Variants in APC observed in about 807,000 individuals in gnomAD.
APC encodes the protein APC regulator of Wnt signaling pathway.
In APC, 72 loss-of-function variants were observed where a neutral mutation model predicts 247.0. The observed-to-expected ratio is 0.29, with a 90% CI of 0.24 to 0.35. APC has a LOEUF of 0.35. Among genes scored for constraint, APC ranks in the 10% least tolerant of loss-of-function variants. The pLI is 1.00. For missense variants in APC, 3,400 were observed against 3,360.7 expected (o/e 1.01, Z -0.29); for synonymous variants, 1,254 against 1,162.5 (o/e 1.08, Z -1.60).
intron 1 of APC, among the ~76,000 whole-genome samples, chr5:112,718,751 T>C (rs1016614654): frequency 1.3e-5 from 2 of 152,252 alleles, no homozygotes; most frequent in African/African-American, 4.8e-5. Flanking sequence ...AAATTGTCTT[T>C]GTAAGGATAC....
At chr5:112,829,518 A>T (rs1467949419) in intron 14 of APC, 1 of 158,438 alleles carries the variant, frequency 6.3e-6, no homozygotes, top group Non-Finnish European at 1.4e-5. Flanking sequence ...TAAGGTAGAA[A>T]AGATTATATA....
Position 112,768,660 on chromosome 5 carries a change from CT to C in APC, c.422+1271del, listed in dbSNP as rs760463434. 1.4e-3 allele frequency among the ~76,000 whole-genome samples: 217 copies of C among 152,262 alleles called. 2 individuals are homozygous for C. The highest frequency in any genetic ancestry group is 2.2e-3 in the Non-Finnish European group (149 of 68,006). On this transcript the variant is annotated intron_variant, in intron 4 of 15. Coordinates refer to ENST00000257430, the MANE Select transcript of APC (RefSeq NM_000038.6). ...TATTTCTTCGTGTTAGGAACATTCA[CT>C]GTCTACCATCTAGCTATTTGAAACT...
chr5:112,797,065 TTG>T (rs1760287299), intron 7 of APC, among the ~76,000 whole-genome samples: 1 of 152,094 alleles, frequency 6.6e-6, no homozygotes, highest in African/African-American at 2.4e-5. Context: ...GGAAACTTGT[TTG>T]TGTTTCTTGT....
At chr5:112,749,649 G>C (rs903589113) in intron 1 of APC, among the ~76,000 whole-genome samples, 1 of 151,718 alleles carries the variant, frequency 6.6e-6, no homozygotes, top group Non-Finnish European at 1.5e-5. Context: ...CACCATGCCC[G>C]GCTAATTTTT....
intron 15 of APC, among the ~76,000 whole-genome samples, chr5:112,835,790 C>G (rs893324180): frequency 6.6e-6 from 1 of 151,794 alleles, no homozygotes; most frequent in Non-Finnish European, 1.5e-5. Context: ...TCCAGCTGCT[C>G]TTGAACTCCT....
chr5:112,817,423 A>G (rs1399418095), intron 9 of APC, among the ~76,000 whole-genome samples: 1 of 152,134 alleles, frequency 6.6e-6, no homozygotes, highest in Non-Finnish European at 1.5e-5. Context: ...TTGGGACCTC[A>G]TATGCCATTC....
At chr5:112,780,755 A>G (rs1580379158) in intron 5 of APC, 35 bp from the exon 6 acceptor site, 1 of 1,450,872 alleles carries the variant, frequency 6.9e-7, no homozygotes, top group East Asian at 2.4e-5. Context: ...CGTAAATACA[A>G]GATATTGATA....
intron 4 of APC, among the ~76,000 whole-genome samples, chr5:112,771,574 A>G: frequency 6.6e-6 from 1 of 152,170 alleles, no homozygotes; most frequent in East Asian, 1.9e-4. Context: ...TTTCTTCATT[A>G]TCAAGGTACC....
chr5:112,842,011 A>C lies in APC; in HGVS notation c.6417A>C (p.Lys2139Asn), dbSNP rs2149964395. The change falls in exon 16 of 16, where the codon AAA becomes AAC. Residue 2139 changes from lysine (K) to asparagine (N), a missense_variant. By Grantham distance (94) the Lys-to-Asn change is moderately conservative (BLOSUM62 0). Transcript: ENST00000257430. ...ATTCAGATTCCATCCTTTCCCTGAA[A>C]TCAGGAATCTCTCTGGGATCACCAT... is the stretch of plus-strand genomic sequence containing the variant. ...SSDSDSILSL[K>N]SGISLGSPFH... The C allele has an allele frequency of 6.2e-7, 1 of 1,613,354 alleles. No homozygotes were observed. Among genetic ancestry groups the C allele is most frequent in the Non-Finnish European group, 8.5e-7 (1 of 1,179,340 alleles).
rs79631489 is a variant in APC, at chr5:112,793,499, A to T, written c.729+970A>T. 1.0e-4 allele frequency among the ~76,000 whole-genome samples: 2 copies of T among 20,080 alleles called. No individual in the cohort carries two copies. The highest frequency in any genetic ancestry group is 2.4e-4 in the Non-Finnish European group (2 of 8,428). The allele number at this position is 20,080 out of a possible 152,430, so 13.2% of individuals were successfully genotyped here. A position where few individuals can be genotyped will look rare whatever the true frequency, so the allele number is the denominator to read the frequency against. On this transcript the variant is annotated intron_variant, in intron 7 of 15. Transcript: ENST00000257430. ...AGAAAAAAAACTTAAAGAGACTTAC[A>T]TGGAAAAATTCACCCAACAAAACAA...
At chr5:112,800,641 T>C (rs1272890235) in intron 7 of APC, among the ~76,000 whole-genome samples, 1 of 152,142 alleles carries the variant, frequency 6.6e-6, no homozygotes, top group Non-Finnish European at 1.5e-5. Flanking sequence ...TTTGTGGTGG[T>C]ATTTTTATAA....
At position 112,707,534 on chromosome 5, in the gene APC, G is replaced by C. The variant is rs575784409; in HGVS notation, c.-184G>C. ...TTCCCACCTCCCACAAGATGGCGGA[G>C]GGCAAGTAGCAAGGGGGCGGGGTGT... On this transcript the variant is annotated 5_prime_UTR_variant, in exon 1 of 14. Transcript: ENST00000507379. The C allele has an allele frequency of 2.0e-6, 1 of 497,348 alleles. No individual in the cohort carries two copies. The highest frequency in any genetic ancestry group is 1.9e-5 in the African/African-American group (1 of 51,710). 30.8% of individuals were successfully genotyped at this position (497,348 alleles called of 1,614,324 possible). A position where few individuals can be genotyped will look rare whatever the true frequency, so the allele number is the denominator to read the frequency against.
In APC at chr5:112,727,389, T is replaced by C. The variant is rs140946792; in HGVS notation, c.165+19507T>C. On this transcript the variant is annotated intron_variant, in intron 1 of 13. Transcript: ENST00000507379. ...TTATTAAATATGATATTTTAAAAGC[T>C]TATATTTTCTCTTTCAAGGTAAGAA... Among the ~76,000 whole-genome samples the C allele has an allele frequency of 2.1e-3, 319 of 152,310 alleles. 1 individual carries two copies. The highest frequency in any genetic ancestry group is 7.3e-3 in the African/African-American group (302 of 41,564).
At chr5:112,744,494 A>G (rs1406354894) in intron 1 of APC, among the ~76,000 whole-genome samples, 2 of 152,210 alleles carry the variant, frequency 1.3e-5, no homozygotes, top group African/African-American at 4.8e-5. Context: ...AAACACCCCA[A>G]GGTAAAATGG....
rs148379493 is a variant in APC, at chr5:112,711,868, C to G, written c.165+3986C>G. Among the ~76,000 whole-genome samples, 52 of 152,166 alleles carry G rather than the reference C, an allele frequency of 3.4e-4. 1 individual carries two copies. Among genetic ancestry groups the G allele is most frequent in the African/African-American group, 1.2e-3 (49 of 41,436 alleles). On this transcript the variant is annotated intron_variant, in intron 1 of 13. Coordinates refer to the APC transcript ENST00000507379. ...TCTCAACATTGTCCTTGTGTTTGGGCTTTAGACTTCCCTTCTAATAAAAAA... is the reference window on the plus strand; with the variant it reads ...TCTCAACATTGTCCTTGTGTTTGGGGTTTAGACTTCCCTTCTAATAAAAAA...
intron 1 of APC, among the ~76,000 whole-genome samples, chr5:112,743,088 T>G (rs1198379312): frequency 6.6e-6 from 1 of 152,210 alleles, no homozygotes; most frequent in Non-Finnish European, 1.5e-5. Flanking sequence ...AGAATCCATT[T>G]TCTTGCTTTT....
chr5:112,759,243 G>A (rs1479123597), intron 2 of APC, among the ~76,000 whole-genome samples: 4 of 152,080 alleles, frequency 2.6e-5, no homozygotes, highest in African/African-American at 9.6e-5. Context: ...ATAAATAAAA[G>A]TGGGTCAAGT....
Position 112,840,865 on chromosome 5 carries a change from T to C in APC, c.5271T>C (p.Ser1757=), listed in dbSNP as rs752875511. The change falls in exon 16 of 16, where the codon TCT becomes TCC. Residue 1757 remains serine, a synonymous_variant. Coordinates refer to ENST00000257430, the MANE Select transcript of APC (RefSeq NM_000038.6). The surrounding 1 kb of genome is among the most constrained non-coding windows in gnomAD (Gnocchi z 4.1). ...AGGTCCAGCAAGCATCTGCGTCTTCTTCTGCACCCAACAAAAATCAGTTAG... is the reference window on the plus strand; with the variant it reads ...AGGTCCAGCAAGCATCTGCGTCTTCCTCTGCACCCAACAAAAATCAGTTAG... ...MDQVQQASAS[S]SAPNKNQLDG... 60 of 1,613,986 alleles carry C rather than the reference T, an allele frequency of 3.7e-5. No homozygotes were observed. Among genetic ancestry groups the C allele is most frequent in the South Asian group, 3.3e-4 (30 of 91,076 alleles).
At chr5:112,771,099 TGTGA>T (rs1756996691) in intron 4 of APC, among the ~76,000 whole-genome samples, 1 of 152,118 alleles carries the variant, frequency 6.6e-6, no homozygotes, top group Non-Finnish European at 1.5e-5. Flanking sequence ...CGTTGGACAC[TGTGA>T]GTCAGTAGTA....
Sources: gnomAD v4.1 joint callset for allele counts (sites outside exome capture counted in the v4.1 genomes callset) on GRCh38, gnomAD v4.1.1 for gene constraint, Gnocchi (gnomAD v3.1) non-coding constraint, MANE v1.5 for transcripts, NCBI Gene and HGNC (gene_info 2026-07-23, HGNC 2026-07-21) for gene names.